The following GRIN2A variants were observed in gnomAD, a reference collection of about 807,000 sequenced individuals.
GRIN2A encodes the protein glutamate ionotropic receptor NMDA type subunit 2A, also known as glutamate receptor ionotropic, NMDA 2A.
A neutral mutation model predicts 113.4 loss-of-function variants in GRIN2A; 22 were observed. The ratio of observed to expected loss-of-function variants is 0.19; its 90% CI spans 0.14 to 0.28. The LOEUF is 0.28. GRIN2A is among the 10% of genes least tolerant of loss of function. The pLI is 1.00. For missense variants in GRIN2A, 1,502 were observed against 1,887.0 expected (o/e 0.80, Z 3.78); for synonymous variants, 827 against 738.4 (o/e 1.12, Z -1.94).
chr16:9,805,775 A>C (rs2041954919), intron 10 of GRIN2A, among the ~76,000 whole-genome samples: 1 of 152,230 alleles, frequency 6.6e-6, no homozygotes, highest in African/African-American at 2.4e-5. Context: ...TGGTATCATT[A>C]TGCAGAGAAG....
chr16:10,040,234 C>A (rs1363359806), intron 2 of GRIN2A, among the ~76,000 whole-genome samples: 1 of 139,076 alleles, frequency 7.2e-6, no homozygotes, highest in East Asian at 2.5e-4. Context: ...ACTACACACA[C>A]ATTCACACCA....
chr16:10,086,614 A>G (rs964078360), intron 2 of GRIN2A, among the ~76,000 whole-genome samples: 6 of 97,608 alleles, frequency 6.1e-5, no homozygotes, highest in Non-Finnish European at 5.0e-5. Context: ...CCAAAAAAAA[A>G]AAAAAAAAAA....
At chr16:9,983,981 C>G (rs1486201751) in intron 2 of GRIN2A, among the ~76,000 whole-genome samples, 1 of 152,188 alleles carries the variant, frequency 6.6e-6, no homozygotes, top group African/African-American at 2.4e-5. Flanking sequence ...AAACTCCATA[C>G]CGTTTTTCAT....
At chr16:9,897,842 C>T (rs1188874892) in intron 3 of GRIN2A, among the ~76,000 whole-genome samples, 1 of 152,114 alleles carries the variant, frequency 6.6e-6, no homozygotes, top group East Asian at 1.9e-4. Context: ...AAGCAGGGAC[C>T]TCATCTGCCT....
chr16:9,941,781 G>T (rs1428794068), intron 2 of GRIN2A, among the ~76,000 whole-genome samples: 1 of 152,146 alleles, frequency 6.6e-6, no homozygotes, highest in Non-Finnish European at 1.5e-5. Context: ...CTTACTCTAT[G>T]AGAGTCACGT....
chr16:10,078,792 C>T (rs1290033048), intron 2 of GRIN2A, among the ~76,000 whole-genome samples: 1 of 152,200 alleles, frequency 6.6e-6, no homozygotes, highest in Non-Finnish European at 1.5e-5. Context: ...CTACCCCCTC[C>T]GAAGCCCATC....
chr16:9,916,735 C>T (rs569764704), intron 3 of GRIN2A, among the ~76,000 whole-genome samples: 4 of 152,156 alleles, frequency 2.6e-5, no homozygotes, highest in South Asian at 2.1e-4. Context: ...AGTTCCTCCC[C>T]GCCACCCACA....
chr16:9,764,439 A>T lies in GRIN2A; in HGVS notation c.3105T>A (p.Asp1035Glu). Residue 1035 changes from aspartate (D) to glutamate (E), a missense_variant, in exon 13 of 13, where the codon GAT becomes GAA. Asp to Glu is a conservative substitution (Grantham distance 45, BLOSUM62 2). Transcript: ENST00000330684. ...GGGTCCTATTCTCTGCTGTTGCCTC[A>T]TCCCTCTGGGAGACTGGATTCTGGG... is the stretch of plus-strand genomic sequence containing the variant. ...SLSQNPVSQR[D>E]EATAENRTHS... is the part of the protein sequence containing the mutation. The T allele has an allele frequency of 6.2e-7, 1 of 1,614,022 alleles. No individual in the cohort carries two copies. The highest frequency in any genetic ancestry group is 8.5e-7 in the Non-Finnish European group (1 of 1,179,958).
chr16:10,124,241 G>C (rs2048885431), intron 2 of GRIN2A, among the ~76,000 whole-genome samples: 2 of 152,142 alleles, frequency 1.3e-5, no homozygotes, highest in African/African-American at 4.8e-5. Flanking sequence ...AGGTCAGGTG[G>C]CCCAGGGAGC....
intron 4 of GRIN2A, among the ~76,000 whole-genome samples, chr16:9,881,590 G>C (rs779947797): frequency 4.6e-5 from 7 of 152,164 alleles, no homozygotes; most frequent in Non-Finnish European, 8.8e-5. Flanking sequence ...CGTATAAAAA[G>C]CCCATACTAA....
At chr16:9,859,449 T>G (rs1401739725) in intron 4 of GRIN2A, among the ~76,000 whole-genome samples, 1 of 152,068 alleles carries the variant, frequency 6.6e-6, no homozygotes, top group Non-Finnish European at 1.5e-5. Flanking sequence ...TATGTATACA[T>G]ATTCCTATAC....
At chr16:10,152,085 C>G (rs1200704972) in intron 2 of GRIN2A, among the ~76,000 whole-genome samples, 2 of 152,220 alleles carry the variant, frequency 1.3e-5, no homozygotes, top group African/African-American at 4.8e-5. Context: ...CCCCTGGCAG[C>G]AGCCACCAGG....
At chr16:9,997,322 G>C (rs1171875680) in intron 2 of GRIN2A, among the ~76,000 whole-genome samples, 3 of 152,144 alleles carry the variant, frequency 2.0e-5, no homozygotes, top group South Asian at 2.1e-4. Flanking sequence ...CACTCCAAAT[G>C]GTACAGTAAT....
At position 9,990,571 on chromosome 16, in the gene GRIN2A, A is replaced by G. The variant is rs1408039471; in HGVS notation, c.415-52020T>C. ...CGCGCGCGCGCGCGCGCGCACACAC[A>G]CACACACACACACACACACACACAC... On this transcript the variant is annotated intron_variant, in intron 2 of 12. Coordinates refer to ENST00000330684, the MANE Select transcript of GRIN2A (RefSeq NM_001134407.3). Among the ~76,000 whole-genome samples the G allele has an allele frequency of 3.3e-4, 40 of 122,880 alleles. No individual in the cohort carries two copies. In the East Asian group the frequency reaches 3.6e-3, roughly 11 times the overall value. 80.6% of individuals were successfully genotyped at this position (122,880 alleles called of 152,430 possible). A position where few individuals can be genotyped will look rare whatever the true frequency, so the allele number is the denominator to read the frequency against.
rs1036750557 is a variant in GRIN2A, at chr16:9,763,567, C to T, written c.3977G>A (p.Gly1326Asp). 1 of 1,613,872 alleles carries T rather than the reference C, an allele frequency of 6.2e-7. No individual in the cohort carries two copies. The highest frequency in any genetic ancestry group is 8.5e-7 in the Non-Finnish European group (1 of 1,179,972). ...RERLLEGNFYGSLFSVPSSKL... is the reference protein window; with the variant it reads ...RERLLEGNFYDSLFSVPSSKL... The stretch of plus-strand genomic sequence containing the variant: ...GCTTGAGGGGACACTAAACAGGCTG[C>T]CGTAAAAATTTCCCTCCAGAAGCCG... Residue 1326 changes from glycine (G) to aspartate (D), a missense_variant, in exon 13 of 13, where the codon GGC (glycine) becomes GAC (aspartate). Physicochemically the swap from Gly to Asp is moderately conservative, Grantham distance 94 (BLOSUM62 -1). Transcript: ENST00000330684.
chr16:9,951,741 TC>T (rs2045188422), intron 2 of GRIN2A, among the ~76,000 whole-genome samples: 1 of 152,216 alleles, frequency 6.6e-6, no homozygotes, highest in Non-Finnish European at 1.5e-5. Context: ...CTGAAAAGTG[TC>T]CAAATTACTA....
Position 9,863,358 on chromosome 16 carries a change from A to G in GRIN2A, c.1123-13397T>C, listed in dbSNP as rs555526232. ...GCAACATTTTCTTTCCATGTGGAGC[A>G]CAGGAGGTGGGGAGAAAGCAGCCAG... On this transcript the variant is annotated intron_variant, in intron 4 of 12. Transcript: ENST00000330684. Among the ~76,000 whole-genome samples, 6 of 151,850 alleles carry G rather than the reference A, an allele frequency of 4.0e-5. No individual in the cohort carries two copies. In the East Asian group the frequency reaches 9.7e-4, roughly 24 times the overall value.
chr16:9,786,715 G>A (rs1264981161), intron 11 of GRIN2A, among the ~76,000 whole-genome samples: 5 of 152,064 alleles, frequency 3.3e-5, no homozygotes, highest in African/African-American at 4.8e-5. Flanking sequence ...TCCTGCATAG[G>A]TACCAATTGT....
rs114691796 is a variant in GRIN2A, at chr16:10,030,889, A to G, written c.415-92338T>C. ...TGCCCACATTCTAGTGGAAAAAGCA[A>G]TAAATAGATGTATTATTTGTTGCCC... On this transcript the variant is annotated intron_variant, in intron 2 of 12. Transcript: ENST00000330684. Among the ~76,000 whole-genome samples, 525 of 152,362 alleles carry G rather than the reference A, an allele frequency of 3.4e-3. 4 individuals are homozygous for G. Among genetic ancestry groups the G allele is most frequent in the African/African-American group, 0.012 (504 of 41,588 alleles).
Sources: gnomAD v4.1 joint callset for allele counts (sites outside exome capture counted in the v4.1 genomes callset) on GRCh38, gnomAD v4.1.1 for gene constraint, MANE v1.5 for transcripts, NCBI Gene and HGNC (gene_info 2026-07-23, HGNC 2026-07-21) for gene names.